The following APLF variants were observed in gnomAD, a reference collection of about 807,000 sequenced individuals.
APLF encodes the protein aprataxin and PNKP like factor, also known as aprataxin and PNK-like factor.
In APLF, 61 loss-of-function variants were observed where a neutral mutation model predicts 55.6. The observed-to-expected ratio is 1.10, with a 90% CI of 0.89 to 1.36. The LOEUF (loss-of-function observed/expected upper bound fraction) is 1.36. Among genes scored for constraint, APLF ranks in the 40% most tolerant of loss-of-function variants. The probability of loss-of-function intolerance (pLI) is 0.00; values close to 1 mark genes in which losing one functional copy is unlikely to be tolerated. For missense variants in APLF, 611 were observed against 602.5 expected, an observed-to-expected ratio of 1.01 and a Z score of -0.15; for synonymous variants, 207 against 214.8, an observed-to-expected ratio of 0.96 and a Z score of 0.32.
At chr2:68,549,671 G>A (rs188318479) in intron 8 of APLF, among the ~76,000 whole-genome samples, 56 of 152,208 alleles carry the variant, frequency 3.7e-4, no homozygotes, top group Admixed American at 1.9e-3. Context: ...TGGTTATAGT[G>A]TTGTTCAGAA....
chr2:68,527,076 T>C (rs1670081790), intron 6 of APLF, among the ~76,000 whole-genome samples: 1 of 152,106 alleles, frequency 6.6e-6, no homozygotes, highest in African/African-American at 2.4e-5. Context: ...GTAGAGGCGC[T>C]CCTCACTTCC....
intron 8 of APLF, among the ~76,000 whole-genome samples, chr2:68,548,377 A>C (rs1338040900): frequency 1.3e-5 from 2 of 151,972 alleles, no homozygotes; most frequent in African/African-American, 2.4e-5. Context: ...TCTAGAACAC[A>C]TGAAAAAATA....
intron 9 of APLF, among the ~76,000 whole-genome samples, chr2:68,571,736 A>C (rs1459405866): frequency 1.3e-5 from 2 of 152,172 alleles, no homozygotes; most frequent in African/African-American, 4.8e-5. Context: ...TGATGCCTCC[A>C]GCTTTGTTCT....
rs926466942 is a variant in APLF at position 68,554,760 on chromosome 2, T to G, written c.1286+9448T>G. ...GTACATTGATTTTGTATCCGGAAAC[T>G]TTGGTGAATTCTTTTATCAGTTCTA... On this transcript the variant is annotated intron_variant, in intron 8 of 9. Transcript: ENST00000303795. 3.3e-5 allele frequency among the ~76,000 whole-genome samples: 5 copies of G among 152,058 alleles called. No homozygotes were observed. The South Asian group carries it at 6.2e-4, about 19-fold the overall frequency.
Position 68,529,290 on chromosome 2 carries a change from G to C in APLF, c.804+3048G>C. The C allele has an allele frequency of 7.4e-7, 1 of 1,355,606 alleles. No homozygotes were observed. Among genetic ancestry groups the C allele is most frequent in the Non-Finnish European group, 9.6e-7 (1 of 1,040,438 alleles). 84.0% of individuals were successfully genotyped at this position (1,355,606 alleles called of 1,614,324 possible). A position where few individuals can be genotyped will look rare whatever the true frequency, so the allele number is the denominator to read the frequency against. On this transcript the variant is annotated intron_variant, in intron 6 of 9. Coordinates refer to ENST00000303795, the MANE Select transcript of APLF (RefSeq NM_173545.3). The surrounding 1 kb of genome is among the most constrained non-coding windows in gnomAD (Gnocchi z 4.4). ...AAAGAAGGCCCAAGATGTCGCTGAC[G>C]GTTGAAGAGGAGTGGGAAACAGCCA...
chr2:68,518,889 T>C (rs1293029901), intron 5 of APLF, among the ~76,000 whole-genome samples: 1 of 119,548 alleles, frequency 8.4e-6, no homozygotes, highest in Non-Finnish European at 1.6e-5. Flanking sequence ...AATATTAATA[T>C]TATATCATTA....
At position 68,543,420 on chromosome 2, in the gene APLF, G is replaced by T. The variant is rs548271457; in HGVS notation, c.1161-1767G>T. 4.6e-5 allele frequency among the ~76,000 whole-genome samples: 7 copies of T among 152,246 alleles called. No individual in the cohort carries two copies. The South Asian group carries it at 8.3e-4, about 18-fold the overall frequency. ...TTTGCCACTCTCTGCTATAAATACTGCCATGTGAAAAAACAAAAAAGAAAC... is the reference window on the plus strand; with the variant it reads ...TTTGCCACTCTCTGCTATAAATACTTCCATGTGAAAAAACAAAAAAGAAAC... On this transcript the variant is annotated intron_variant, in intron 7 of 9. Transcript: ENST00000303795.
intron 5 of APLF, among the ~76,000 whole-genome samples, chr2:68,524,280 T>C (rs1192399877): frequency 6.6e-6 from 1 of 152,208 alleles, no homozygotes; most frequent in Non-Finnish European, 1.5e-5. Context: ...TTAGTTAAAA[T>C]TTAGTTATTA....
At chr2:68,514,196 A>G (rs1339808714) in intron 5 of APLF, among the ~76,000 whole-genome samples, 1 of 151,596 alleles carries the variant, frequency 6.6e-6, no homozygotes, top group African/African-American at 2.4e-5. Flanking sequence ...CATTTATTCA[A>G]TCATTTGGTG....
intron 5 of APLF, among the ~76,000 whole-genome samples, chr2:68,517,597 T>C (rs1190337233): frequency 6.9e-6 from 1 of 144,112 alleles, no homozygotes; most frequent in Admixed American, 7.1e-5. Flanking sequence ...GTAATTAACA[T>C]GTAACAGTAT....
At chr2:68,575,849 T>A (rs147821223) in intron 9 of APLF, among the ~76,000 whole-genome samples, 1 of 152,256 alleles carries the variant, frequency 6.6e-6, no homozygotes, top group East Asian at 1.9e-4. Flanking sequence ...CAGATAATGC[T>A]TAAGTATCCA....
At chr2:68,500,743 G>C (rs1490356575) in intron 2 of APLF, among the ~76,000 whole-genome samples, 2 of 152,120 alleles carry the variant, frequency 1.3e-5, no homozygotes, top group Non-Finnish European at 2.9e-5. Flanking sequence ...CAACATTCCT[G>C]ACTCTGATGA....
Position 68,513,545 on chromosome 2 carries a change from T to C in APLF, c.490-3T>C. 1 of 1,608,594 alleles carries C rather than the reference T, an allele frequency of 6.2e-7. No individual in the cohort carries two copies. The highest frequency in any genetic ancestry group is 8.5e-7 in the Non-Finnish European group (1 of 1,177,314). On this transcript the variant is annotated splice_region_variant and splice_polypyrimidine_tract_variant and intron_variant, in intron 4 of 9. Coordinates refer to ENST00000303795, the MANE Select transcript of APLF (RefSeq NM_173545.3). Reference sequence around the variant, plus strand: ...TTTTAGTAATTTATAGGTGTCTTTTTAGTCTTTCCTAGGTGAAAATAGAGA... The same window carrying C: ...TTTTAGTAATTTATAGGTGTCTTTTCAGTCTTTCCTAGGTGAAAATAGAGA...
At chr2:68,574,211 G>A (rs1323411625) in intron 9 of APLF, among the ~76,000 whole-genome samples, 15 of 150,200 alleles carry the variant, frequency 1.0e-4, no homozygotes, top group Admixed American at 9.9e-4. Context: ...TTTTTTTTTG[G>A]CCCAGTTACA....
rs925798394 is a variant in APLF at position 68,579,893 on chromosome 2, T to C, written c.*1871T>C. On this transcript the variant is annotated 3_prime_UTR_variant, in exon 10 of 10. Transcript: ENST00000303795. ...TGGTTGCACAACTCTGTAAATATAT[T>C]ACAAACAATGCATTGTACACTTTCA... is the stretch of plus-strand genomic sequence containing the variant. 2.4e-6 allele frequency: 1 copy of C among 415,090 alleles called. No homozygotes were observed. Among genetic ancestry groups the C allele is most frequent in the Non-Finnish European group, 3.2e-6 (1 of 309,110 alleles). The allele number at this position is 415,090 out of a possible 1,614,324, so 25.7% of individuals were successfully genotyped here.
intron 8 of APLF, among the ~76,000 whole-genome samples, chr2:68,562,167 C>T (rs926238212): frequency 6.6e-6 from 1 of 151,884 alleles, no homozygotes; most frequent in East Asian, 1.9e-4. Context: ...CATGGTATCA[C>T]TTATATGTGG....
chr2:68,493,355 C>T (rs1267634628), intron 2 of APLF, among the ~76,000 whole-genome samples: 12 of 151,884 alleles, frequency 7.9e-5, no homozygotes, highest in Non-Finnish European at 2.9e-5. Flanking sequence ...CTACTGCAGA[C>T]CCAAAAATCT....
At chr2:68,484,442 A>G (rs1017838020) in intron 1 of APLF, among the ~76,000 whole-genome samples, 3 of 152,140 alleles carry the variant, frequency 2.0e-5, no homozygotes, top group Admixed American at 6.5e-5. Flanking sequence ...TAAGCCCAGC[A>G]CTTTGGGAGG....
chr2:68,568,635 G>A (rs566311262), intron 9 of APLF, among the ~76,000 whole-genome samples: 36 of 152,156 alleles, frequency 2.4e-4, no homozygotes, highest in African/African-American at 7.9e-4. Context: ...TCCCATGCAA[G>A]AGCATTTGAC....
Sources: gnomAD v4.1 joint callset for allele counts (sites outside exome capture counted in the v4.1 genomes callset) on GRCh38, gnomAD v4.1.1 for gene constraint, Gnocchi (gnomAD v3.1) non-coding constraint, MANE v1.5 for transcripts, NCBI Gene and HGNC (gene_info 2026-07-23, HGNC 2026-07-21) for gene names.